GABRA5: variants seen among roughly 807,000 people sequenced by gnomAD.
The protein encoded by GABRA5 is gamma-aminobutyric acid type A receptor subunit alpha5.
In GABRA5, 18 loss-of-function variants were observed where a neutral mutation model predicts 47.3. The observed-to-expected ratio is 0.38, with a 90% confidence interval of 0.26 to 0.56. The LOEUF (loss-of-function observed/expected upper bound fraction) is 0.56, where lower values mean the gene tolerates loss of function less well. Among genes scored for constraint, GABRA5 ranks in the 20% least tolerant of loss-of-function variants. The pLI, the probability that GABRA5 is intolerant of heterozygous loss-of-function variation, is 0.71. For missense variants in GABRA5, 365 were observed against 599.3 expected, an observed-to-expected ratio of 0.61 and a Z score of 4.08; for synonymous variants, 237 against 229.3, an observed-to-expected ratio of 1.03 and a Z score of -0.30.
Position 26,948,048 on chromosome 15 carries a change from T to G in GABRA5, c.1204T>G (p.Ser402Ala), listed in dbSNP as rs202172745. ...CCCAGCAGGGACGTCGAATACAACCTCAGTCTCAGTAAAACCCTCTGAAGA... is the reference window on the plus strand; with the variant it reads ...CCCAGCAGGGACGTCGAATACAACCGCAGTCTCAGTAAAACCCTCTGAAGA... ...QTPAGTSNTT[S>A]VSVKPSEEKT... Residue 402 changes from serine to alanine, a missense_variant, in exon 11 of 11, where the codon TCA (serine) becomes GCA (alanine). By Grantham distance (99) the Ser-to-Ala change is moderately conservative (BLOSUM62 1). This residue lies in a region of GABRA5 where 106 missense variants were observed against 130.3 expected (regional missense o/e 0.81). Transcript: ENST00000335625. 804 of 1,608,074 alleles carry G rather than the reference T, an allele frequency of 5.0e-4. 1 individual carries two copies. Among genetic ancestry groups the G allele is most frequent in the Non-Finnish European group, 5.9e-4 (696 of 1,177,010 alleles).
chr15:26,925,045 G>T (rs1453450202), intron 7 of GABRA5, among the ~76,000 whole-genome samples: 1 of 151,822 alleles, frequency 6.6e-6, no homozygotes, highest in Non-Finnish European at 1.5e-5. Flanking sequence ...TTTATTTTTA[G>T]TGGGAGGAAT....
intron 3 of GABRA5, among the ~76,000 whole-genome samples, chr15:26,878,105 G>T (rs1382867305): frequency 6.6e-6 from 1 of 152,252 alleles, no homozygotes; most frequent in Non-Finnish European, 1.5e-5. Flanking sequence ...AGGACATCTT[G>T]GTTTCCACCT....
chr15:26,942,050 A>C (rs1351661241), intron 9 of GABRA5, among the ~76,000 whole-genome samples: 2 of 152,200 alleles, frequency 1.3e-5, no homozygotes, highest in East Asian at 1.9e-4. Flanking sequence ...CTTATGCAGA[A>C]GGCAGGGCTA....
intron 10 of GABRA5, 55 bp downstream of exon 10, chr15:26,943,481 C>T: frequency 6.9e-7 from 1 of 1,443,458 alleles, no homozygotes; most frequent in Non-Finnish European, 9.5e-7. Context: ...GAAAGTGTGC[C>T]TGATTCTATC....
At chr15:26,946,272 T>G (rs1894508881) in intron 10 of GABRA5, among the ~76,000 whole-genome samples, 1 of 152,224 alleles carries the variant, frequency 6.6e-6, no homozygotes, top group South Asian at 2.1e-4. Context: ...GAACACAGGT[T>G]GTCTAACATT....
chr15:26,934,045 G>A (rs768450019), intron 7 of GABRA5, among the ~76,000 whole-genome samples: 3 of 151,944 alleles, frequency 2.0e-5, no homozygotes, highest in Admixed American at 1.3e-4. Context: ...TTGAGGCCAG[G>A]ACTTCAAGAC....
chr15:26,940,526 G>A (rs917500355), intron 9 of GABRA5, among the ~76,000 whole-genome samples: 2 of 150,472 alleles, frequency 1.3e-5, no homozygotes, highest in Admixed American at 1.3e-4. Flanking sequence ...TTTTCTTTGA[G>A]CATTACGTCG....
chr15:26,934,207 G>A (rs955277891), intron 7 of GABRA5, among the ~76,000 whole-genome samples: 14 of 147,664 alleles, frequency 9.5e-5, no homozygotes, highest in South Asian at 4.3e-4. Flanking sequence ...AGCCAAGATC[G>A]TGCCACTGCA....
At chr15:26,945,667 A>G (rs949117710) in intron 10 of GABRA5, among the ~76,000 whole-genome samples, 21 of 152,132 alleles carry the variant, frequency 1.4e-4, no homozygotes, top group African/African-American at 4.8e-4. Context: ...GCCCTCTGCA[A>G]CTCAGGCTGC....
At chr15:26,917,154 A>C (rs1271600573) in intron 7 of GABRA5, among the ~76,000 whole-genome samples, 2 of 151,986 alleles carry the variant, frequency 1.3e-5, no homozygotes, top group African/African-American at 2.4e-5. Context: ...TTTGTCCCTG[A>C]TGCTAGAGAA....
At chr15:26,876,712 C>T (rs9707891) in intron 3 of GABRA5, among the ~76,000 whole-genome samples, 62,578 of 151,944 alleles carry the variant, frequency 0.41, 12,977 homozygotes, top group Middle Eastern at 0.44. Context: ...TCATGGAAGA[C>T]GGGCAAAGAA....
In GABRA5 at chr15:26,870,912, C is replaced by G. The variant is rs148501103; in HGVS notation, c.86+1578C>G. Reference sequence around the variant, plus strand: ...TTTTCTTTAAAATATCTTGGCTAGGCCAGGCGTGATGGCTCATGCTTGTAA... The same window carrying G: ...TTTTCTTTAAAATATCTTGGCTAGGGCAGGCGTGATGGCTCATGCTTGTAA... On this transcript the variant is annotated intron_variant, in intron 3 of 10. Transcript: ENST00000335625. 5.5e-3 allele frequency among the ~76,000 whole-genome samples: 843 copies of G among 152,324 alleles called. 5 individuals are homozygous for G. The highest frequency in any genetic ancestry group is 9.0e-3 in the Non-Finnish European group (614 of 68,038).
intron 7 of GABRA5, among the ~76,000 whole-genome samples, chr15:26,935,706 C>T (rs1360450588): frequency 2.0e-5 from 3 of 152,310 alleles, no homozygotes; most frequent in Middle Eastern, 3.4e-3. Context: ...CCCTCCAGGC[C>T]TTTGCAGGAG....
At position 26,870,328 on chromosome 15, in the gene GABRA5, G is replaced by T. The variant is rs572179325; in HGVS notation, c.86+994G>T. On this transcript the variant is annotated intron_variant, in intron 3 of 10. Transcript: ENST00000335625. Reference sequence around the variant, plus strand: ...CATTTTCTGCTCTTCTGACTCTTCTGTGCAGAGGAAGGGGTGGGTGTGGGG... The same window carrying T: ...CATTTTCTGCTCTTCTGACTCTTCTTTGCAGAGGAAGGGGTGGGTGTGGGG... Among the ~76,000 whole-genome samples the T allele has an allele frequency of 1.2e-4, 18 of 152,300 alleles. 1 individual carries two copies. The South Asian group carries it at 3.3e-3, about 28-fold the overall frequency.
Position 26,883,652 on chromosome 15 carries a change from T to TGACC in GABRA5, c.497+96_497+99dup. On this transcript the variant is annotated intron_variant, in intron 6 of 10. Transcript: ENST00000335625. This position sits in a 1 kb window ranked among gnomAD's most constrained non-coding sequence, Gnocchi z 4.8. Reference sequence around the variant, plus strand: ...CAAGAGCTGCGCCGCGGAGCTGTTCTGACCATAGGTCTGAGACTGCGGCGC... The same window carrying TGACC: ...CAAGAGCTGCGCCGCGGAGCTGTTCTGACCGACCATAGGTCTGAGACTGCGGCGC... 1 of 1,004,422 alleles carries TGACC rather than the reference T, an allele frequency of 1.0e-6. No individual in the cohort carries two copies. The highest frequency in any genetic ancestry group is 3.0e-5 in the Admixed American group (1 of 33,608). The allele number at this position is 1,004,422 out of a possible 1,614,324, so 62.2% of individuals were successfully genotyped here. A position where few individuals can be genotyped will look rare whatever the true frequency, so the allele number is the denominator to read the frequency against.
intron 3 of GABRA5, among the ~76,000 whole-genome samples, chr15:26,870,745 A>G (rs1892447266): frequency 6.6e-6 from 1 of 152,224 alleles, no homozygotes; most frequent in South Asian, 2.1e-4. Context: ...GTTCTTCTGA[A>G]TGAAATGTCT....
chr15:26,929,407 C>T (rs1240889599), intron 7 of GABRA5, among the ~76,000 whole-genome samples: 3 of 152,214 alleles, frequency 2.0e-5, no homozygotes, highest in Admixed American at 1.3e-4. Context: ...CACGCTTTGC[C>T]CTGCAGACCC....
rs546913848 is a variant in GABRA5, at chr15:26,948,250, A to T, written c.*17A>T. ...CCAAAATAACCGGCCACACTCCCAA[A>T]CTCCAAGACAGCCATACTTCCAGCG... On this transcript the variant is annotated 3_prime_UTR_variant, in exon 11 of 11. Coordinates refer to ENST00000335625, the MANE Select transcript of GABRA5 (RefSeq NM_000810.4). The T allele has an allele frequency of 1.5e-5, 24 of 1,605,144 alleles. No homozygotes were observed. The South Asian group carries it at 2.6e-4, about 17-fold the overall frequency.
rs1894581905 is a variant in GABRA5 at position 26,949,021 on chromosome 15, T to A, written c.*788T>A. On this transcript the variant is annotated 3_prime_UTR_variant, in exon 11 of 11. Transcript: ENST00000335625. ...CAGCACTTGGCCCATGTGATCGCTGTCTCTGAAACACTGACCACCTCTCCC... is the reference window on the plus strand; with the variant it reads ...CAGCACTTGGCCCATGTGATCGCTGACTCTGAAACACTGACCACCTCTCCC... 6.6e-6 allele frequency: 1 copy of A among 152,206 alleles called. No homozygotes were observed. The highest frequency in any genetic ancestry group is 2.4e-5 in the African/African-American group (1 of 41,448). 9.4% of individuals were successfully genotyped at this position (152,206 alleles called of 1,614,324 possible). A position where few individuals can be genotyped will look rare whatever the true frequency, so the allele number is the denominator to read the frequency against.
Sources: allele counts gnomAD v4.1 joint callset (sites outside exome capture counted in the v4.1 genomes callset), GRCh38; gene constraint gnomAD v4.1.1; regional missense constraint gnomAD v4.1.1; non-coding constraint Gnocchi (gnomAD v3.1); transcripts MANE v1.5; gene names NCBI Gene and HGNC (gene_info 2026-07-23, HGNC 2026-07-21).